Variants in NCKAP5 observed in about 807,000 individuals in gnomAD.
NCKAP5 encodes the protein nck-associated protein 5.
NCKAP5 carries 92 observed loss-of-function variants against 167.0 expected under a neutral mutation model. The ratio of observed to expected loss-of-function variants is 0.55; its 90% CI spans 0.47 to 0.66. The LOEUF (loss-of-function observed/expected upper bound fraction) is 0.66. Among genes scored for constraint, NCKAP5 ranks in the 30% least tolerant of loss-of-function variants. The probability of loss-of-function intolerance (pLI) is 0.00; values close to 1 mark genes in which losing one functional copy is unlikely to be tolerated. For synonymous variants in NCKAP5, 891 were observed against 877.4 expected (o/e 1.02, Z -0.27); for missense variants, 2,378 against 2,315.0 (o/e 1.03, Z -0.56).
chr2:133,652,805 T>A, the NCKAP5 span, among the ~76,000 whole-genome samples: 1 of 152,300 alleles, frequency 6.6e-6, no homozygotes, highest in African/African-American at 2.4e-5. Flanking sequence ...CTGAGTTTAG[T>A]TGACTGCATG....
At chr2:133,231,982 A>G (rs2087172129) in intron 4 of NCKAP5, among the ~76,000 whole-genome samples, 1 of 152,218 alleles carries the variant, frequency 6.6e-6, no homozygotes, top group Non-Finnish European at 1.5e-5. Flanking sequence ...AAATAGGTAC[A>G]GAAAGGACAC....
Position 132,728,960 on chromosome 2 carries a change from A to T in NCKAP5, c.5444-8T>A. On this transcript the variant is annotated splice_region_variant and splice_polypyrimidine_tract_variant and intron_variant, in intron 17 of 19. Transcript: ENST00000409261. The stretch of plus-strand genomic sequence containing the variant: ...TTTGGGAACTGACTTTTCCTAAATG[A>T]GGACACGTATGTGGAATCACATATC... 6.2e-7 allele frequency: 1 copy of T among 1,613,928 alleles called. No individual in the cohort carries two copies. Among genetic ancestry groups the T allele is most frequent in the Non-Finnish European group, 8.5e-7 (1 of 1,179,830 alleles).
chr2:133,331,190 C>A lies in NCKAP5; in HGVS notation c.70-28080G>T, dbSNP rs529267794. On this transcript the variant is annotated intron_variant, in intron 3 of 19. Coordinates refer to ENST00000409261, the MANE Select transcript of NCKAP5 (RefSeq NM_207363.3). ...GTGCTGTGCTGATTAAGACTTTTAT[C>A]AGTTCTTGGGCTAAATATAAATATT... Among the ~76,000 whole-genome samples, 310 of 152,210 alleles carry A rather than the reference C, an allele frequency of 2.0e-3. 3 individuals are homozygous for A. Among genetic ancestry groups the A allele is most frequent in the African/African-American group, 6.6e-3 (276 of 41,524 alleles).
chr2:133,155,992 C>T (rs763593106), intron 5 of NCKAP5, among the ~76,000 whole-genome samples: 1 of 152,218 alleles, frequency 6.6e-6, no homozygotes, highest in Non-Finnish European at 1.5e-5. Context: ...CAAGTAACTG[C>T]TCCCTACTCC....
chr2:132,796,741 C>G lies in NCKAP5; in HGVS notation c.808-12G>C. On this transcript the variant is annotated splice_polypyrimidine_tract_variant and intron_variant, in intron 11 of 19. Coordinates refer to ENST00000409261, the MANE Select transcript of NCKAP5 (RefSeq NM_207363.3). ...CGTGAGTGAAGTTTCTAGGTAAAAC[C>G]AAGCAGAAACATTGAATAGCGATAA... 6.5e-7 allele frequency: 1 copy of G among 1,530,904 alleles called. No homozygotes were observed. Among genetic ancestry groups the G allele is most frequent in the Non-Finnish European group, 9.0e-7 (1 of 1,107,176 alleles). The allele number at this position is 1,530,904 out of a possible 1,614,324, so 94.8% of individuals were successfully genotyped here.
chr2:133,669,264 C>G, the NCKAP5 span, among the ~76,000 whole-genome samples: 3 of 152,162 alleles, frequency 2.0e-5, no homozygotes, highest in African/African-American at 7.2e-5. Context: ...GGAATAAATG[C>G]TCCTCAGATT....
chr2:133,466,527 T>G (rs1167900421), intron 3 of NCKAP5, among the ~76,000 whole-genome samples: 1 of 150,958 alleles, frequency 6.6e-6, no homozygotes, highest in South Asian at 2.1e-4. Context: ...TTTAAAGTAG[T>G]TTTTTCCAAT....
the NCKAP5 span, among the ~76,000 whole-genome samples, chr2:133,635,229 GAATCTACAGGTTATA>G: frequency 6.6e-6 from 1 of 152,068 alleles, no homozygotes; most frequent in Non-Finnish European, 1.5e-5. Context: ...AAGGAAGGGG[GAATCTACAGGTTATA>G]AATACTTGAA....
chr2:133,248,431 G>C (rs563460516), intron 4 of NCKAP5, among the ~76,000 whole-genome samples: 63 of 152,316 alleles, frequency 4.1e-4, no homozygotes, highest in African/African-American at 1.4e-3. Context: ...TGTGCCCTGG[G>C]CTCGTCTCCC....
the NCKAP5 span, among the ~76,000 whole-genome samples, chr2:133,658,111 C>A: frequency 3.3e-5 from 5 of 150,298 alleles, no homozygotes; most frequent in Non-Finnish European, 7.4e-5. Flanking sequence ...ACGACCCCCA[C>A]CCCCTAGTTT....
At chr2:132,740,871 T>G (rs78324618) in intron 16 of NCKAP5, among the ~76,000 whole-genome samples, 2,782 of 151,850 alleles carry the variant, frequency 0.018, 80 homozygotes, top group African/African-American at 0.064. Context: ...GAAAAAAAAA[T>G]GGACCATGAA....
At chr2:133,225,776 G>GTTTTT (rs1415189212) in intron 4 of NCKAP5, among the ~76,000 whole-genome samples, 5 of 67,728 alleles carry the variant, frequency 7.4e-5, no homozygotes, top group African/African-American at 1.1e-4. Context: ...ATCATGCCCT[G>GTTTTT]TTCTTTTTTT....
intron 4 of NCKAP5, among the ~76,000 whole-genome samples, chr2:133,285,076 T>G (rs1276559845): frequency 6.6e-6 from 1 of 152,176 alleles, no homozygotes; most frequent in African/African-American, 2.4e-5. Flanking sequence ...GTTTCCAAAA[T>G]GATCTTCCCA....
At chr2:133,142,719 C>T (rs991110754) in intron 5 of NCKAP5, among the ~76,000 whole-genome samples, 4 of 152,210 alleles carry the variant, frequency 2.6e-5, no homozygotes, top group South Asian at 2.1e-4. Flanking sequence ...GTCACTAAGT[C>T]CAATTGAGGT....
At chr2:133,284,876 G>T (rs542491372) in intron 4 of NCKAP5, 10 of 152,162 alleles carry the variant, frequency 6.6e-5, no homozygotes, top group African/African-American at 2.2e-4. Flanking sequence ...ATCAACACAG[G>T]CAAACATTCA....
intron 8 of NCKAP5, among the ~76,000 whole-genome samples, chr2:132,957,247 C>A (rs1235470136): frequency 3.3e-5 from 5 of 152,324 alleles, no homozygotes; most frequent in African/African-American, 1.2e-4. Context: ...TTTGGTACAA[C>A]CTCACACTCA....
At chr2:132,842,962 CTTT>C (rs1211806900) in intron 11 of NCKAP5, among the ~76,000 whole-genome samples, 1 of 152,116 alleles carries the variant, frequency 6.6e-6, no homozygotes, top group Non-Finnish European at 1.5e-5. Flanking sequence ...TTGCTATCTT[CTTT>C]GATACAAGAA....
chr2:132,783,010 A>G lies in NCKAP5; in HGVS notation c.3801T>C (p.Gly1267=), dbSNP rs751010856. 6.8e-6 allele frequency: 11 copies of G among 1,613,698 alleles called. No homozygotes were observed. The highest frequency in any genetic ancestry group is 1.3e-5 in the African/African-American group (1 of 74,876). Residue 1267 remains glycine (G), a synonymous_variant, in exon 14 of 20, where the codon GGT becomes GGC. Transcript: ENST00000409261. ...SSKPHLKPAL[G]MNGAKARSHS... is the part of the protein sequence containing the mutation. ...GGCTGCGGGCTTTGGCGCCATTCAT[A>G]CCCAGAGCTGGTTTTAGGTGTGGTT...
At chr2:132,691,824 G>C (rs561316348) in intron 19 of NCKAP5, among the ~76,000 whole-genome samples, 12 of 152,040 alleles carry the variant, frequency 7.9e-5, no homozygotes, top group Admixed American at 5.9e-4. Context: ...ACTTCTCCCC[G>C]CCACAGAAAT....
Sources: allele counts gnomAD v4.1 joint callset (sites outside exome capture counted in the v4.1 genomes callset), GRCh38; gene constraint gnomAD v4.1.1; transcripts MANE v1.5; gene names NCBI Gene and HGNC (gene_info 2026-07-23, HGNC 2026-07-21).